The following MYO1A variants were observed in gnomAD, a reference collection of about 807,000 sequenced individuals.
The protein encoded by MYO1A is myosin IA.
Under a neutral mutation model 138.5 loss-of-function variants are expected in MYO1A, and 127 were observed. The ratio of observed to expected loss-of-function variants is 0.92; its 90% CI spans 0.79 to 1.06. The LOEUF (loss-of-function observed/expected upper bound fraction) is 1.06. Among genes scored for constraint, MYO1A ranks in the 50% least tolerant of loss-of-function variants. The pLI is 0.00. For synonymous variants in MYO1A, 477 were observed against 497.5 expected (o/e 0.96, Z 0.55); for missense variants, 1,211 against 1,288.8 (o/e 0.94, Z 0.92).
intron 22 of MYO1A, among the ~76,000 whole-genome samples, chr12:57,033,371 T>A (rs1443551553): frequency 6.6e-6 from 1 of 152,228 alleles, no homozygotes; most frequent in Non-Finnish European, 1.5e-5. Flanking sequence ...CCTCTTTTTT[T>A]GAGACAGGGT....
chr12:57,039,142 G>C, intron 15 of MYO1A, 70 bp downstream of exon 15: 5 of 1,570,436 alleles, frequency 3.2e-6, no homozygotes, highest in Non-Finnish European at 4.4e-6. Flanking sequence ...GAATCAGGGA[G>C]AGAGACAGGG....
rs1327910012 is a variant in MYO1A at position 57,029,738 on chromosome 12, A to C, written c.2724+2T>G. On this transcript the variant is annotated splice_donor_variant, in intron 25 of 27. Coordinates refer to ENST00000300119, the MANE Select transcript of MYO1A (RefSeq NM_005379.4). LOFTEE classifies it high-confidence loss of function. ...GGAGGAGTTCAGCCTGCAGGCCCTT[A>C]CCTTGCCATTGCCACGATTGACCTT... 1 of 1,613,974 alleles carries C rather than the reference A, an allele frequency of 6.2e-7. No homozygotes were observed. The highest frequency in any genetic ancestry group is 8.5e-7 in the Non-Finnish European group (1 of 1,180,020).
chr12:57,041,417 G>A lies in MYO1A; in HGVS notation c.1164+15C>T, dbSNP rs770465198. ...AATCCTAGGGGAGCAGGGTGCTGAG[G>A]TGAGGCACTCTCACCTCTAATATCT... On this transcript the variant is annotated intron_variant, in intron 13 of 27. Coordinates refer to ENST00000300119, the MANE Select transcript of MYO1A (RefSeq NM_005379.4). 6.2e-7 allele frequency: 1 copy of A among 1,611,242 alleles called. No homozygotes were observed. The highest frequency in any genetic ancestry group is 1.3e-5 in the African/African-American group (1 of 74,836).
At position 57,031,149 on chromosome 12, in the gene MYO1A, T is replaced by A. The variant is rs963425295; in HGVS notation, c.2375A>T (p.Lys792Met). Residue 792 changes from lysine to methionine, a missense_variant, in exon 23 of 28, where the codon AAG becomes ATG. Transcript: ENST00000300119. ...GACGTTTGTGGATGGCAAATTGTTC[T>A]TCAGCCCCAGTAGGAATTTCTGTAC... ...SMVQKFLLGL[K>M]NNLPSTNVLD... is the part of the protein sequence containing the mutation. 2 of 1,614,180 alleles carry A rather than the reference T, an allele frequency of 1.2e-6. No homozygotes were observed. Among genetic ancestry groups the A allele is most frequent in the Middle Eastern group, 1.6e-4 (1 of 6,062 alleles).
Position 57,047,754 on chromosome 12 carries a change from G to A in MYO1A, c.231-33C>T, listed in dbSNP as rs777920450. On this transcript the variant is annotated intron_variant, in intron 3 of 27. Transcript: ENST00000300119. Reference sequence around the variant, plus strand: ...GGAGGAAGTGGGCAATGACTATTGTGAAACCAGTTCAAGACACCATCTTTC... The same window carrying A: ...GGAGGAAGTGGGCAATGACTATTGTAAAACCAGTTCAAGACACCATCTTTC... 7 of 1,613,228 alleles carry A rather than the reference G, an allele frequency of 4.3e-6. 1 individual carries two copies. In the South Asian group the frequency reaches 6.6e-5, roughly 15 times the overall value.
intron 17 of MYO1A, 120 bp downstream of exon 17, chr12:57,038,292 G>T: frequency 8.1e-7 from 1 of 1,233,464 alleles, no homozygotes; most frequent in East Asian, 2.5e-5. Flanking sequence ...TTTTCTGTGA[G>T]GAAAGGACCT....
chr12:57,028,651 C>G lies in MYO1A; in HGVS notation c.*104G>C. ...AGGGTAGTTTAATCCCCAAGCCATG[C>G]GCCACGATCAGAGGGGTTAGAGATC... On this transcript the variant is annotated 3_prime_UTR_variant, in exon 28 of 28. Transcript: ENST00000300119. 6.7e-7 allele frequency: 1 copy of G among 1,490,172 alleles called. No individual in the cohort carries two copies. Among genetic ancestry groups the G allele is most frequent in the East Asian group, 2.3e-5 (1 of 44,038 alleles). 92.3% of individuals were successfully genotyped at this position (1,490,172 alleles called of 1,614,324 possible).
At chr12:57,047,438 C>T in intron 4 of MYO1A, 31 bp from the exon 5 acceptor site, 5 of 1,598,066 alleles carry the variant, frequency 3.1e-6, no homozygotes, top group Non-Finnish European at 3.4e-6. Context: ...CATGGGTCCC[C>T]ACCCAGGACT....
chr12:57,039,836 T>C (rs990140725), intron 14 of MYO1A, among the ~76,000 whole-genome samples: 1 of 152,238 alleles, frequency 6.6e-6, no homozygotes, highest in Non-Finnish European at 1.5e-5. Flanking sequence ...GATGTGGGCC[T>C]GGAATCTGCA....
chr12:57,030,983 T>C, intron 23 of MYO1A, 57 bp downstream of exon 23: 2 of 1,601,486 alleles, frequency 1.2e-6, no homozygotes, highest in Non-Finnish European at 1.7e-6. Flanking sequence ...AAGAGGAAAA[T>C]CAGGGGGAGG....
chr12:57,041,810 C>T lies in MYO1A; in HGVS notation c.1099-313G>A, dbSNP rs534832548. ...TTTGTAGAGCATTTTACAAAAGATT[C>T]CATGTCTTTATTTATCATAACCTTA... On this transcript the variant is annotated intron_variant, in intron 12 of 27. Coordinates refer to ENST00000300119, the MANE Select transcript of MYO1A (RefSeq NM_005379.4). Among the ~76,000 whole-genome samples, 8 of 152,318 alleles carry T rather than the reference C, an allele frequency of 5.3e-5. No individual in the cohort carries two copies. The East Asian group carries it at 1.5e-3, about 29-fold the overall frequency.
rs2030924991 is a variant in MYO1A, at chr12:57,042,996, C to G, written c.1098+76G>C. The stretch of plus-strand genomic sequence containing the variant: ...TCCCTACTCTGCTCATCTCAGAAAC[C>G]AAGATATAGGGCTGGTGACAGGGCA... On this transcript the variant is annotated intron_variant, in intron 12 of 27. Transcript: ENST00000300119. 8 of 1,464,094 alleles carry G rather than the reference C, an allele frequency of 5.5e-6. No homozygotes were observed. The South Asian group carries it at 9.2e-5, about 17-fold the overall frequency. 90.7% of individuals were successfully genotyped at this position (1,464,094 alleles called of 1,614,324 possible). A position where few individuals can be genotyped will look rare whatever the true frequency, so the allele number is the denominator to read the frequency against.
Position 57,047,441 on chromosome 12 carries a change from C to A in MYO1A, c.326-34G>T, listed in dbSNP as rs372111721. On this transcript the variant is annotated intron_variant, in intron 4 of 27. Transcript: ENST00000300119. ...GCAAAACGCTCTCATGGGTCCCCAC[C>A]CAGGACTAGCCCATCCCCCCACCTC... 6.3e-6 allele frequency: 10 copies of A among 1,592,902 alleles called. No homozygotes were observed. The African/African-American group carries it at 1.1e-4, about 17-fold the overall frequency.
intron 24 of MYO1A, 100 bp from the exon 25 acceptor site, chr12:57,029,972 C>T: frequency 6.4e-7 from 1 of 1,558,664 alleles, no homozygotes; most frequent in South Asian, 1.1e-5. Context: ...TCCCCCACAT[C>T]CACGTATCCT....
chr12:57,038,830 G>C lies in MYO1A; in HGVS notation c.1512C>G (p.Arg504=), dbSNP rs1318216788. 2 of 1,614,168 alleles carry C rather than the reference G, an allele frequency of 1.2e-6. No homozygotes were observed. Among genetic ancestry groups the C allele is most frequent in the Admixed American group, 3.3e-5 (2 of 60,026 alleles). ...TCACCTTGCCCGCATAGTGGCAGAT[G>C]CGGAAGCAGCTGAGGCCCATGGTGT... is the stretch of plus-strand genomic sequence containing the variant. ...YDHTMGLSCF[R]ICHYAGKVTY... is the part of the protein sequence containing the mutation. Residue 504 remains arginine, a synonymous_variant, in exon 16 of 28, where the codon CGC becomes CGG. Transcript: ENST00000300119.
At position 57,036,971 on chromosome 12, in the gene MYO1A, G is replaced by A. The variant is rs771224811; in HGVS notation, c.2176C>T (p.Leu726Phe). 3.7e-6 allele frequency: 6 copies of A among 1,614,200 alleles called. No homozygotes were observed. Among genetic ancestry groups the A allele is most frequent in the Non-Finnish European group, 3.4e-6 (4 of 1,180,028 alleles). Residue 726 changes from leucine to phenylalanine, a missense_variant, in exon 20 of 28, where the codon CTC becomes TTC. Coordinates refer to ENST00000300119, the MANE Select transcript of MYO1A (RefSeq NM_005379.4). The stretch of plus-strand genomic sequence containing the variant: ...TTTCCCCGAAACCAAGAGGAGATGA[G>A]GATCTGACTCTTTCGCATCAGTTGG... Reference protein sequence around the residue: ...HYQLMRKSQILISSWFRGNMQ... With the variant: ...HYQLMRKSQIFISSWFRGNMQ...
At chr12:57,030,015 A>G in intron 24 of MYO1A, 143 bp from the exon 25 acceptor site, 1 of 1,421,754 alleles carries the variant, frequency 7.0e-7, no homozygotes, top group South Asian at 1.2e-5. Flanking sequence ...GTCCAGGACC[A>G]AGACATCAGC....
At chr12:57,032,717 G>A (rs977862827) in intron 22 of MYO1A, among the ~76,000 whole-genome samples, 6 of 152,148 alleles carry the variant, frequency 3.9e-5, no homozygotes, top group Non-Finnish European at 7.4e-5. Context: ...AGAATCACTT[G>A]AGCAGGAAGA....
chr12:57,029,687 C>T (rs2030173273), intron 25 of MYO1A, 53 bp downstream of exon 25: 1 of 1,613,984 alleles, frequency 6.2e-7, no homozygotes, highest in African/African-American at 1.3e-5. Context: ...CTCCAGATGC[C>T]AGCCCACAGC....
Sources: gnomAD v4.1 joint callset for allele counts (sites outside exome capture counted in the v4.1 genomes callset) on GRCh38, gnomAD v4.1.1 for gene constraint, MANE v1.5 for transcripts, NCBI Gene and HGNC (gene_info 2026-07-23, HGNC 2026-07-21) for gene names.